TMEM116: variants seen among roughly 807,000 people sequenced by gnomAD.
The protein encoded by TMEM116 is transmembrane protein 116.
A neutral mutation model predicts 44.3 loss-of-function variants in TMEM116; 38 were observed. The observed-to-expected ratio is 0.86, with a 90% CI of 0.66 to 1.12. The LOEUF is 1.12. Ranked by LOEUF, TMEM116 falls within the 50% of genes most tolerant of loss-of-function variation. The pLI is 0.00. For synonymous variants in TMEM116, 132 were observed against 144.8 expected (o/e 0.91, Z 0.64); for missense variants, 354 against 401.7 (o/e 0.88, Z 1.01).
intron 3 of TMEM116, among the ~76,000 whole-genome samples, chr12:112,003,205 T>C (rs545953624): frequency 1.4e-4 from 21 of 152,326 alleles, no homozygotes; most frequent in Non-Finnish European, 2.2e-4. Flanking sequence ...AGAGTGAATA[T>C]TGGATTCAGA....
chr12:111,943,496 G>A, intron 4 of TMEM116, 127 bp from the exon 5 acceptor site: 1 of 701,660 alleles, frequency 1.4e-6, no homozygotes, highest in Non-Finnish European at 2.4e-6. Flanking sequence ...GTACCATCTA[G>A]TGTCCATACC....
At chr12:111,975,540 G>A (rs1273115116) in intron 4 of TMEM116, among the ~76,000 whole-genome samples, 1 of 152,186 alleles carries the variant, frequency 6.6e-6, no homozygotes, top group Non-Finnish European at 1.5e-5. Flanking sequence ...CACAATTGGA[G>A]AGCTAATACT....
rs1371875781 is a variant in TMEM116 at position 111,983,777 on chromosome 12, C to G, written c.210+7981G>C. Among the ~76,000 whole-genome samples, 4 of 152,058 alleles carry G rather than the reference C, an allele frequency of 2.6e-5. No individual in the cohort carries two copies. The East Asian group carries it at 7.7e-4, about 29-fold the overall frequency. ...GAGAATAACTACCACCAAAACCTGT[C>G]AAGTTATTCCAAAAAGTCGAATAGG... On this transcript the variant is annotated intron_variant, in intron 4 of 10. Transcript: ENST00000552374.
chr12:112,008,209 G>A (rs1163706499), intron 1 of TMEM116, among the ~76,000 whole-genome samples: 1 of 152,124 alleles, frequency 6.6e-6, no homozygotes, highest in Non-Finnish European at 1.5e-5. Flanking sequence ...AAGGCTGGGC[G>A]CGGTGGCTCA....
intron 4 of TMEM116, among the ~76,000 whole-genome samples, chr12:111,983,025 C>A (rs2076028753): frequency 6.6e-6 from 1 of 152,228 alleles, no homozygotes; most frequent in African/African-American, 2.4e-5. Context: ...GTGACTCATG[C>A]CTGTAATCCC....
chr12:111,947,553 T>C (rs1384965329), intron 4 of TMEM116, among the ~76,000 whole-genome samples: 4 of 152,226 alleles, frequency 2.6e-5, no homozygotes, highest in African/African-American at 4.8e-5. Flanking sequence ...TAAAATCTAA[T>C]ATGGTATCAG....
intron 4 of TMEM116, among the ~76,000 whole-genome samples, chr12:111,954,900 T>TG (rs2073972864): frequency 6.6e-6 from 1 of 152,234 alleles, no homozygotes; most frequent in African/African-American, 2.4e-5. Context: ...GCAGTTTTCC[T>TG]GGTAAACATA....
chr12:111,978,102 A>T (rs1486807054), intron 4 of TMEM116, among the ~76,000 whole-genome samples: 4 of 138,136 alleles, frequency 2.9e-5, no homozygotes, highest in Non-Finnish European at 4.7e-5. Context: ...AGAGTAGATT[A>T]AAAAAAAAAA....
At chr12:111,981,755 A>G (rs2075955887) in intron 4 of TMEM116, among the ~76,000 whole-genome samples, 1 of 152,210 alleles carries the variant, frequency 6.6e-6, no homozygotes, top group Non-Finnish European at 1.5e-5. Flanking sequence ...TTCAGTATTC[A>G]TAATAGCCAA....
intron 4 of TMEM116, among the ~76,000 whole-genome samples, chr12:111,944,583 G>C (rs1212527973): frequency 6.6e-6 from 1 of 152,156 alleles, no homozygotes; most frequent in African/African-American, 2.4e-5. Flanking sequence ...AGTTTGGGAG[G>C]CCAAGGCAGC....
intron 4 of TMEM116, among the ~76,000 whole-genome samples, chr12:111,985,736 A>T (rs972843958): frequency 1.8e-4 from 27 of 152,064 alleles, no homozygotes; most frequent in African/African-American, 6.5e-4. Context: ...AGCTGGAATT[A>T]TAGGCGCACA....
intron 3 of TMEM116, chr12:111,993,849 G>A: frequency 1.3e-6 from 1 of 750,370 alleles, no homozygotes; most frequent in South Asian, 1.3e-5. Context: ...TATCTGTGTT[G>A]AATAAAGAAA....
chr12:111,968,072 A>ACAAG (rs2075083868), intron 4 of TMEM116, among the ~76,000 whole-genome samples: 1 of 152,118 alleles, frequency 6.6e-6, no homozygotes, highest in African/African-American at 2.4e-5. Flanking sequence ...AGAAAAACAA[A>ACAAG]CAAACAAACA....
chr12:111,966,777 T>A (rs1263917416), intron 4 of TMEM116, among the ~76,000 whole-genome samples: 1 of 152,236 alleles, frequency 6.6e-6, no homozygotes, highest in Non-Finnish European at 1.5e-5. Flanking sequence ...CCAGCTGTAC[T>A]GAGCCATTTC....
chr12:111,975,049 T>C (rs979358039), intron 4 of TMEM116, among the ~76,000 whole-genome samples: 9 of 152,272 alleles, frequency 5.9e-5, no homozygotes, highest in Non-Finnish European at 1.2e-4. Flanking sequence ...GTCAGAAGAC[T>C]AAATATTGTA....
chr12:111,958,793 G>A (rs2074357009), intron 4 of TMEM116, among the ~76,000 whole-genome samples: 1 of 151,956 alleles, frequency 6.6e-6, no homozygotes, highest in Non-Finnish European at 1.5e-5. Flanking sequence ...AGACAAGATT[G>A]GAGAAAAAAG....
At chr12:111,947,272 GTTT>G (rs953731492) in intron 4 of TMEM116, among the ~76,000 whole-genome samples, 7 of 151,234 alleles carry the variant, frequency 4.6e-5, no homozygotes, top group African/African-American at 1.7e-4. Context: ...TTGAGCAAGT[GTTT>G]TAAACCTTTT....
intron 4 of TMEM116, among the ~76,000 whole-genome samples, chr12:111,955,247 G>C (rs1430869610): frequency 6.6e-6 from 1 of 152,128 alleles, no homozygotes; most frequent in African/African-American, 2.4e-5. Context: ...GGTGTCTGTG[G>C]GTGGCCCAGT....
rs1460830555 is a variant in TMEM116, at chr12:111,933,981, G to A, written c.638C>T (p.Thr213Ile). The A allele has an allele frequency of 2.5e-6, 4 of 1,614,036 alleles. No homozygotes were observed. The Admixed American group carries it at 5.0e-5, about 20-fold the overall frequency. ...QTLYKKFVKS[T>I]GFLGSEQWAV... The stretch of plus-strand genomic sequence containing the variant: ...CCACTGTTCACTCCCCAGAAAGCCA[G>A]TTGACTTCACAAACTTCTTATACAA... The change falls in exon 9 of 11, where the codon ACT (threonine) becomes ATT (isoleucine). Residue 213 changes from threonine to isoleucine, a missense_variant. Transcript: ENST00000552374.
Sources: gnomAD v4.1 joint callset for allele counts (sites outside exome capture counted in the v4.1 genomes callset) on GRCh38, gnomAD v4.1.1 for gene constraint, MANE v1.5 for transcripts, NCBI Gene and HGNC (gene_info 2026-07-23, HGNC 2026-07-21) for gene names.